BARD1: variants seen among roughly 807,000 people sequenced by gnomAD.
The protein encoded by BARD1 is BRCA1-associated RING domain protein 1.
Under a neutral mutation model 77.0 loss-of-function variants are expected in BARD1, and 73 were observed. The ratio of observed to expected loss-of-function variants is 0.95; its 90% CI spans 0.79 to 1.15. The LOEUF (loss-of-function observed/expected upper bound fraction) is 1.15, where lower values mean the gene tolerates loss of function less well. Ranked by LOEUF, BARD1 falls within the 50% of genes most tolerant of loss-of-function variation. BARD1 has a pLI of 0.00. For synonymous variants in BARD1, 384 were observed against 338.0 expected, an observed-to-expected ratio of 1.14 and a Z score of -1.49; for missense variants, 993 against 938.8, an observed-to-expected ratio of 1.06 and a Z score of -0.75.
chr2:214,770,411 T>TGATGCAATGGA (rs1694427463), intron 4 of BARD1, among the ~76,000 whole-genome samples: 1 of 152,204 alleles, frequency 6.6e-6, no homozygotes. Context: ...AGTAGCACAC[T>TGATGCAATGGA]GATGCAATGG....
intron 6 of BARD1, among the ~76,000 whole-genome samples, chr2:214,753,984 A>G (rs1299943137): frequency 1.3e-5 from 2 of 152,120 alleles, no homozygotes; most frequent in African/African-American, 4.8e-5. Flanking sequence ...TATAATTTAA[A>G]ACAAAGTGAC....
intron 3 of BARD1, among the ~76,000 whole-genome samples, chr2:214,788,090 T>C (rs953765713): frequency 6.6e-6 from 1 of 151,966 alleles, no homozygotes; most frequent in Non-Finnish European, 1.5e-5. Flanking sequence ...ATAGCATATA[T>C]GAAACACTAT....
chr2:214,746,501 C>A (rs1445199581), intron 7 of BARD1, among the ~76,000 whole-genome samples: 3 of 151,904 alleles, frequency 2.0e-5, no homozygotes, highest in African/African-American at 7.3e-5. Context: ...TTAGAATTCA[C>A]AGAAGACAAA....
rs876659965 is a variant in BARD1 at position 214,781,198 on chromosome 2, C to G, written c.676G>C (p.Asp226His). 1.9e-6 allele frequency: 3 copies of G among 1,589,690 alleles called. No individual in the cohort carries two copies. Among genetic ancestry groups the G allele is most frequent in the East Asian group, 2.2e-5 (1 of 44,770 alleles). Residue 226 changes from aspartate to histidine, a missense_variant, in exon 4 of 11, where the codon GAT becomes CAT. Asp to His is a moderately conservative substitution (Grantham distance 81). Transcript: ENST00000260947. ...QKWNLEAEKEDGEFDSKEESK... is the reference protein window; with the variant it reads ...QKWNLEAEKEHGEFDSKEESK... Reference sequence around the variant, plus strand: ...TCCTCTTTGGAGTCAAATTCACCATCTTCTTTTTCTGCCTCTAAATTCCAT... The same window carrying G: ...TCCTCTTTGGAGTCAAATTCACCATGTTCTTTTTCTGCCTCTAAATTCCAT...
intron 1 of BARD1, among the ~76,000 whole-genome samples, chr2:214,803,515 G>T (rs1696125744): frequency 6.6e-6 from 1 of 152,192 alleles, no homozygotes; most frequent in Non-Finnish European, 1.5e-5. Flanking sequence ...GTAAAGCATT[G>T]AGATGTTTCT....
At chr2:214,760,432 A>G (rs575255046) in intron 6 of BARD1, among the ~76,000 whole-genome samples, 1 of 152,250 alleles carries the variant, frequency 6.6e-6, no homozygotes, top group Admixed American at 6.5e-5. Flanking sequence ...ACCTCAAGTG[A>G]TCCACCCGCC....
chr2:214,775,070 T>A (rs114511771), intron 4 of BARD1, among the ~76,000 whole-genome samples: 7,976 of 152,268 alleles, frequency 0.052, 232 homozygotes, highest in Admixed American at 0.083. Context: ...TCTCCTCATA[T>A]CGGCAGTAAG....
At chr2:214,767,318 C>T (rs1009286706) in intron 6 of BARD1, among the ~76,000 whole-genome samples, 164 bp downstream of exon 6, 1 of 148,194 alleles carries the variant, frequency 6.7e-6, no homozygotes, top group Non-Finnish European at 1.5e-5. Flanking sequence ...ATAAAAAGGG[C>T]ATGAAGGCTG....
At chr2:214,770,092 T>C (rs1035836634) in intron 4 of BARD1, among the ~76,000 whole-genome samples, 2 of 152,182 alleles carry the variant, frequency 1.3e-5, no homozygotes, top group Non-Finnish European at 2.9e-5. Flanking sequence ...ATACATTTAG[T>C]TTATATTCAC....
intron 4 of BARD1, among the ~76,000 whole-genome samples, chr2:214,772,683 CG>C (rs1453891694): frequency 6.6e-6 from 1 of 152,112 alleles, no homozygotes; most frequent in African/African-American, 2.4e-5. Flanking sequence ...GATTAGCAAA[CG>C]GCTTGCTTTT....
At chr2:214,804,011 G>A (rs941752318) in intron 1 of BARD1, among the ~76,000 whole-genome samples, 1 of 152,156 alleles carries the variant, frequency 6.6e-6, no homozygotes, top group Non-Finnish European at 1.5e-5. Context: ...TTAATAGAAT[G>A]GCTCCCCTGT....
chr2:214,730,555 C>T (rs1345964336), intron 9 of BARD1, 47 bp from the exon 10 acceptor site: 1 of 1,433,722 alleles, frequency 7.0e-7, no homozygotes. Flanking sequence ...CAAGTGAGCA[C>T]TATATCTCTC....
chr2:214,750,164 T>C (rs537433965), intron 7 of BARD1, among the ~76,000 whole-genome samples: 1 of 152,046 alleles, frequency 6.6e-6, no homozygotes, highest in African/African-American at 2.4e-5. Flanking sequence ...CAACTCTCTC[T>C]AAAACTCTTC....
Position 214,777,367 on chromosome 2 carries a change from A to C in BARD1, c.1314+3193T>G, listed in dbSNP as rs562166960. Among the ~76,000 whole-genome samples, 10 of 152,282 alleles carry C rather than the reference A, an allele frequency of 6.6e-5. No homozygotes were observed. In the South Asian group the frequency reaches 1.2e-3, roughly 19 times the overall value. ...AATAATGTTTCCAAGCTCAGAAATC[A>C]ATCAGTAAAGCCCTACCTGCAGTGG... On this transcript the variant is annotated intron_variant, in intron 4 of 10. Coordinates refer to ENST00000260947, the MANE Select transcript of BARD1 (RefSeq NM_000465.4).
At chr2:214,805,436 T>C (rs944634661) in intron 1 of BARD1, among the ~76,000 whole-genome samples, 1 of 152,214 alleles carries the variant, frequency 6.6e-6, no homozygotes, top group Non-Finnish European at 1.5e-5. Flanking sequence ...TGGGGATCAC[T>C]GCTCTGTGAG....
intron 3 of BARD1, among the ~76,000 whole-genome samples, chr2:214,789,093 C>T (rs78302339): frequency 5.0e-4 from 76 of 152,188 alleles, no homozygotes; most frequent in Non-Finnish European, 8.7e-4. Flanking sequence ...TATGTTTATA[C>T]TCTAAATTTA....
chr2:214,748,117 G>C (rs1048789388), intron 7 of BARD1, among the ~76,000 whole-genome samples: 4 of 152,120 alleles, frequency 2.6e-5, no homozygotes, highest in Non-Finnish European at 5.9e-5. Flanking sequence ...TCTAAATATA[G>C]CATATGATAC....
At chr2:214,803,013 A>G (rs557842807) in intron 1 of BARD1, among the ~76,000 whole-genome samples, 7 of 152,254 alleles carry the variant, frequency 4.6e-5, no homozygotes, top group African/African-American at 1.7e-4. Context: ...CTGTTAATCT[A>G]TGACCCTACC....
chr2:214,788,454 A>G lies in BARD1; in HGVS notation c.364+3843T>C, dbSNP rs1297577127. On this transcript the variant is annotated intron_variant, in intron 3 of 10. Transcript: ENST00000260947. ...AGCTCATTTTAGAAAGTATTACTACAAATTAGGCTTCTTTATCTCCAGTAT... is the reference window on the plus strand; with the variant it reads ...AGCTCATTTTAGAAAGTATTACTACGAATTAGGCTTCTTTATCTCCAGTAT... 5.3e-5 allele frequency among the ~76,000 whole-genome samples: 8 copies of G among 152,064 alleles called. No individual in the cohort carries two copies. The East Asian group carries it at 1.5e-3, about 29-fold the overall frequency.
Sources: allele counts gnomAD v4.1 joint callset (sites outside exome capture counted in the v4.1 genomes callset), GRCh38; gene constraint gnomAD v4.1.1; transcripts MANE v1.5; gene names NCBI Gene and HGNC (gene_info 2026-07-23, HGNC 2026-07-21).